DRC8: variants seen among roughly 807,000 people sequenced by gnomAD.
The protein encoded by DRC8 is dynein regulatory complex protein 8.
At chr1:245,053,378 C>CA in the DRC8 span, among the ~76,000 whole-genome samples, 4 of 152,180 alleles carry the variant, frequency 2.6e-5, no homozygotes, top group Admixed American at 1.3e-4. Context: ...CTGTCTAGGC[C>CA]TGAGACAGGG....
the DRC8 span, among the ~76,000 whole-genome samples, chr1:245,006,296 T>C: frequency 9.4e-6 from 1 of 106,312 alleles, no homozygotes; most frequent in South Asian, 4.4e-4. Flanking sequence ...TAGCTGGAAG[T>C]GATGAGTGTT....
At chr1:244,998,966 T>C in the DRC8 span, among the ~76,000 whole-genome samples, 1 of 151,380 alleles carries the variant, frequency 6.6e-6, no homozygotes, top group Non-Finnish European at 1.5e-5. Flanking sequence ...TCTGCCTTCT[T>C]TGGCTTACTT....
the DRC8 span, among the ~76,000 whole-genome samples, chr1:245,080,549 C>T: frequency 6.6e-6 from 1 of 152,200 alleles, no homozygotes; most frequent in Admixed American, 6.5e-5. Context: ...AAAGCATCAC[C>T]TTATCCCAGT....
the DRC8 span, among the ~76,000 whole-genome samples, chr1:245,096,668 T>C: frequency 1.5e-4 from 23 of 152,222 alleles, no homozygotes; most frequent in African/African-American, 5.3e-4. Context: ...GAGGACTTCA[T>C]AGAGGAAGTG....
At chr1:244,989,008 C>T in the DRC8 span, among the ~76,000 whole-genome samples, 1 of 152,162 alleles carries the variant, frequency 6.6e-6, no homozygotes, top group Non-Finnish European at 1.5e-5. Flanking sequence ...TGATCTTAAC[C>T]ATGACACTGT....
the DRC8 span, among the ~76,000 whole-genome samples, chr1:245,053,953 A>C: frequency 6.6e-6 from 1 of 152,246 alleles, no homozygotes; most frequent in Non-Finnish European, 1.5e-5. Flanking sequence ...TGCCTGGCCA[A>C]GGCCCTCCCA....
the DRC8 span, among the ~76,000 whole-genome samples, chr1:244,976,576 G>A: frequency 6.6e-6 from 1 of 152,132 alleles, no homozygotes; most frequent in African/African-American, 2.4e-5. Flanking sequence ...AAGATCAAAT[G>A]GACAGTGAGA....
At chr1:245,101,437 G>A in the DRC8 span, among the ~76,000 whole-genome samples, 1 of 152,162 alleles carries the variant, frequency 6.6e-6, no homozygotes, top group African/African-American at 2.4e-5. Context: ...CTTTACAGGT[G>A]TTGTATCCTT....
At chr1:245,039,615 C>G in the DRC8 span, among the ~76,000 whole-genome samples, 1 of 152,148 alleles carries the variant, frequency 6.6e-6, no homozygotes. Context: ...TCACCAATTT[C>G]CCACGAATTC....
the DRC8 span, among the ~76,000 whole-genome samples, chr1:244,975,477 G>C: frequency 1.3e-5 from 2 of 152,188 alleles, no homozygotes; most frequent in Non-Finnish European, 2.9e-5. Flanking sequence ...GTAAAGTGGG[G>C]ATAATTATAC....
the DRC8 span, among the ~76,000 whole-genome samples, chr1:245,058,047 C>T: frequency 9.2e-5 from 14 of 152,050 alleles, no homozygotes; most frequent in African/African-American, 3.4e-4. Flanking sequence ...ATTTGTGTTG[C>T]CCTCCTTCAA....
chr1:245,018,953 C>T, the DRC8 span, among the ~76,000 whole-genome samples: 1 of 152,318 alleles, frequency 6.6e-6, no homozygotes, highest in East Asian at 1.9e-4. Context: ...ACTGCCCACA[C>T]TCCCACTCCT....
chr1:245,071,409 A>G, the DRC8 span, among the ~76,000 whole-genome samples: 4 of 152,370 alleles, frequency 2.6e-5, no homozygotes, highest in Admixed American at 6.5e-5. Context: ...TGTTGAGGTC[A>G]CAGACATAAA....
the DRC8 span, among the ~76,000 whole-genome samples, chr1:244,999,850 CA>C: frequency 6.6e-6 from 1 of 152,124 alleles, no homozygotes; most frequent in African/African-American, 2.4e-5. Context: ...CTTGCTGTGT[CA>C]CCCAGGCTGG....
chr1:245,033,465 T>C, the DRC8 span, among the ~76,000 whole-genome samples: 149,397 of 152,258 alleles, frequency 0.98, 73,322 homozygotes, highest in East Asian at 1. Flanking sequence ...AAAACAAAAC[T>C]AAAAAATTTC....
chr1:245,075,462 CTG>C, the DRC8 span: 1 of 152,258 alleles, frequency 6.6e-6, no homozygotes, highest in African/African-American at 2.4e-5. Flanking sequence ...AGGAGAGAGA[CTG>C]TGGAGTGCCG....
At chr1:244,987,207 T>C in the DRC8 span, among the ~76,000 whole-genome samples, 1 of 148,034 alleles carries the variant, frequency 6.8e-6, no homozygotes, top group Non-Finnish European at 1.5e-5. Context: ...ATTTCTTTCT[T>C]TTTTTTTTTT....
chr1:245,111,358 C>T, the DRC8 span, among the ~76,000 whole-genome samples: 1 of 152,178 alleles, frequency 6.6e-6, no homozygotes, highest in Non-Finnish European at 1.5e-5. Flanking sequence ...GGCAAAGTGT[C>T]TAGTTGTAAA....
At chr1:245,033,435 C>G in the DRC8 span, among the ~76,000 whole-genome samples, 1 of 152,336 alleles carries the variant, frequency 6.6e-6, no homozygotes, top group South Asian at 2.1e-4. Context: ...AATACCTTCT[C>G]CCACAAACGC....
Sources: allele counts gnomAD v4.1 joint callset (sites outside exome capture counted in the v4.1 genomes callset), GRCh38; gene constraint gnomAD v4.1.1; transcripts MANE v1.5; gene names NCBI Gene and HGNC (gene_info 2026-07-23, HGNC 2026-07-21).